Variants in CSMD1 observed in about 807,000 individuals in gnomAD.
The protein encoded by CSMD1 is CUB and sushi domain-containing protein 1.
Under a neutral mutation model 417.5 loss-of-function variants are expected in CSMD1, and 213 were observed. That is an observed-to-expected ratio of 0.51 (90% confidence interval 0.46 to 0.57). CSMD1 has a LOEUF of 0.57. Ranked by LOEUF, CSMD1 falls within the 20% of genes least tolerant of loss-of-function variation. The pLI is 0.00. For synonymous variants in CSMD1, 2,862 were observed against 1,736.8 expected (o/e 1.65, Z -16.11); for missense variants, 6,923 against 4,529.7 (o/e 1.53, Z -15.17).
intron 1 of CSMD1, among the ~76,000 whole-genome samples, chr8:4,889,045 C>T (rs1034929658): frequency 2.6e-5 from 4 of 151,944 alleles, no homozygotes; most frequent in African/African-American, 9.7e-5. Context: ...TTGTTTCAGG[C>T]AAGAAGGATG....
At chr8:4,405,089 C>G (rs1388785503) in intron 3 of CSMD1, among the ~76,000 whole-genome samples, 1 of 152,150 alleles carries the variant, frequency 6.6e-6, no homozygotes, top group Non-Finnish European at 1.5e-5. Flanking sequence ...CATGGTACAG[C>G]GTTCAGAAGA....
chr8:4,981,687 T>A (rs1258209928), intron 1 of CSMD1, among the ~76,000 whole-genome samples: 1 of 152,142 alleles, frequency 6.6e-6, no homozygotes, highest in Admixed American at 6.5e-5. Flanking sequence ...GTGAACAGAC[T>A]CTTAGGGGGC....
rs370824624 is a variant in CSMD1, at chr8:4,623,507, C to T, written c.302+13835G>A. Among the ~76,000 whole-genome samples, 579 of 152,122 alleles carry T rather than the reference C, an allele frequency of 3.8e-3. 11 individuals carry two copies. Among genetic ancestry groups the T allele is most frequent in the African/African-American group, 0.013 (543 of 41,490 alleles). The stretch of plus-strand genomic sequence containing the variant: ...TTGACCACAGTAATTAAACTATTTT[C>T]CCCACAAAGACTTTTATGCAAATAA... On this transcript the variant is annotated intron_variant, in intron 2 of 69. Transcript: ENST00000635120.
At chr8:3,003,179 C>G (rs200345032) in intron 52 of CSMD1, among the ~76,000 whole-genome samples, 1 of 152,238 alleles carries the variant, frequency 6.6e-6, no homozygotes. Flanking sequence ...ACTCTTTAAC[C>G]CAAATCTTAA....
At chr8:4,211,045 A>C (rs1800277624) in intron 3 of CSMD1, among the ~76,000 whole-genome samples, 1 of 152,026 alleles carries the variant, frequency 6.6e-6, no homozygotes, top group Non-Finnish European at 1.5e-5. Context: ...AAATACAAAC[A>C]CATTTCCTTC....
rs345156 is a variant in CSMD1 at position 4,485,982 on chromosome 8, C to T, written c.303-65917G>A. ...CTGATATTGATACACACTGGAAGATCTGCTTGTGAATCCCTCCTTATGTAA... is the reference window on the plus strand; with the variant it reads ...CTGATATTGATACACACTGGAAGATTTGCTTGTGAATCCCTCCTTATGTAA... On this transcript the variant is annotated intron_variant, in intron 2 of 69. Coordinates refer to ENST00000635120, the MANE Select transcript of CSMD1 (RefSeq NM_033225.6). Among the ~76,000 whole-genome samples the T allele has an allele frequency of 3.4e-4, 52 of 151,958 alleles. No individual in the cohort carries two copies. The East Asian group carries it at 5.0e-3, about 15-fold the overall frequency.
intron 3 of CSMD1, among the ~76,000 whole-genome samples, chr8:4,121,719 C>G (rs1354067540): frequency 2.6e-5 from 4 of 151,488 alleles, no homozygotes; most frequent in Admixed American, 6.6e-5. Flanking sequence ...ATACTTCATT[C>G]TAGAATTATG....
intron 1 of CSMD1, among the ~76,000 whole-genome samples, chr8:4,970,457 A>G (rs1158109008): frequency 1.3e-5 from 2 of 152,156 alleles, no homozygotes; most frequent in Non-Finnish European, 2.9e-5. Flanking sequence ...GACCAAAATG[A>G]CATCGGTCAT....
chr8:4,451,796 CCA>C (rs1563189556), intron 2 of CSMD1, among the ~76,000 whole-genome samples: 2 of 151,964 alleles, frequency 1.3e-5, no homozygotes, highest in Non-Finnish European at 2.9e-5. Flanking sequence ...ATCCACAATG[CCA>C]TCTTAAAGGA....
chr8:3,065,433 G>T (rs1383407370), intron 49 of CSMD1, among the ~76,000 whole-genome samples: 1 of 152,012 alleles, frequency 6.6e-6, no homozygotes, highest in Non-Finnish European at 1.5e-5. Context: ...GAGATGATAG[G>T]AAGATAGATA....
chr8:3,548,150 A>G (rs1445457285), intron 10 of CSMD1, among the ~76,000 whole-genome samples: 1 of 152,172 alleles, frequency 6.6e-6, no homozygotes, highest in Non-Finnish European at 1.5e-5. Flanking sequence ...CTATCGGTAC[A>G]TGTAACAATG....
At chr8:4,373,177 G>T (rs775740568) in intron 3 of CSMD1, among the ~76,000 whole-genome samples, 2 of 152,118 alleles carry the variant, frequency 1.3e-5, no homozygotes, top group Non-Finnish European at 2.9e-5. Context: ...CCCTTGACCG[G>T]TGCTGCTCCA....
At chr8:3,869,350 T>G (rs1805322318) in intron 5 of CSMD1, among the ~76,000 whole-genome samples, 1 of 152,190 alleles carries the variant, frequency 6.6e-6, no homozygotes, top group Non-Finnish European at 1.5e-5. Context: ...CTATATCCTG[T>G]ATAATAAAAT....
At chr8:3,690,626 C>G (rs567712360) in intron 7 of CSMD1, among the ~76,000 whole-genome samples, 107 of 152,292 alleles carry the variant, frequency 7.0e-4, no homozygotes, top group African/African-American at 2.5e-3. Context: ...ATAGCTTCCA[C>G]TCTCAAAATA....
At chr8:3,891,591 G>C (rs1806977945) in intron 5 of CSMD1, among the ~76,000 whole-genome samples, 1 of 152,018 alleles carries the variant, frequency 6.6e-6, no homozygotes, top group Non-Finnish European at 1.5e-5. Flanking sequence ...GCTGAGATGC[G>C]AGGATTGTTT....
At chr8:3,751,332 A>G (rs145917580) in intron 6 of CSMD1, among the ~76,000 whole-genome samples, 27,647 of 134,788 alleles carry the variant, frequency 0.21, 3,016 homozygotes, top group South Asian at 0.3. Context: ...GTGTGTATAT[A>G]TATATATATA....
At chr8:3,283,035 C>T (rs574469051) in intron 26 of CSMD1, among the ~76,000 whole-genome samples, 4 of 152,228 alleles carry the variant, frequency 2.6e-5, no homozygotes, top group South Asian at 2.1e-4. Flanking sequence ...CTTCCTCCTT[C>T]GGAAACCTTT....
chr8:4,084,691 G>A (rs1337663379), intron 3 of CSMD1, among the ~76,000 whole-genome samples: 2 of 151,922 alleles, frequency 1.3e-5, no homozygotes, highest in Non-Finnish European at 2.9e-5. Context: ...AGCAATAGAG[G>A]CATCAATTAG....
At position 4,834,881 on chromosome 8, in the gene CSMD1, C is replaced by T. The variant is rs1434696944; in HGVS notation, c.85+159451G>A. Among the ~76,000 whole-genome samples the T allele has an allele frequency of 3.0e-5, 4 of 132,584 alleles. No individual in the cohort carries two copies. The Admixed American group carries it at 3.6e-4, about 12-fold the overall frequency. The allele number at this position is 132,584 out of a possible 152,430, so 87.0% of individuals were successfully genotyped here. A position where few individuals can be genotyped will look rare whatever the true frequency, so the allele number is the denominator to read the frequency against. On this transcript the variant is annotated intron_variant, in intron 1 of 69. Transcript: ENST00000635120. ...CTGAGGCAGGAGAAAGGCGGAAACC[C>T]GGGAGGCGGAGCTTGCAGTGATCTG...
Sources: gnomAD v4.1 joint callset for allele counts (sites outside exome capture counted in the v4.1 genomes callset) on GRCh38, gnomAD v4.1.1 for gene constraint, MANE v1.5 for transcripts, NCBI Gene and HGNC (gene_info 2026-07-23, HGNC 2026-07-21) for gene names.